The following NKAIN3 variants were observed in gnomAD, a reference collection of about 807,000 sequenced individuals.
The protein encoded by NKAIN3 is sodium/potassium transporting ATPase interacting 3, also known as sodium/potassium-transporting ATPase subunit beta-1-interacting protein 3.
Under a neutral mutation model 30.2 loss-of-function variants are expected in NKAIN3, and 25 were observed. That is an observed-to-expected ratio of 0.83 (90% CI 0.60 to 1.16). The LOEUF (loss-of-function observed/expected upper bound fraction) is 1.16, where lower values mean the gene tolerates loss of function less well. NKAIN3 is among the 50% of genes most tolerant of loss of function. NKAIN3 has a pLI of 0.00. For missense variants in NKAIN3, 225 were observed against 254.1 expected, an observed-to-expected ratio of 0.89 and a Z score of 0.78; for synonymous variants, 91 against 89.6, an observed-to-expected ratio of 1.02 and a Z score of -0.09.
At chr8:62,758,930 G>A (rs1235489586) in intron 4 of NKAIN3, among the ~76,000 whole-genome samples, 1 of 152,134 alleles carries the variant, frequency 6.6e-6, no homozygotes, top group African/African-American at 2.4e-5. Flanking sequence ...ACATTATTCA[G>A]AAGTAAACAA....
chr8:62,781,350 C>T (rs753980076), intron 4 of NKAIN3, among the ~76,000 whole-genome samples: 26 of 151,354 alleles, frequency 1.7e-4, no homozygotes, highest in Non-Finnish European at 3.0e-4. Flanking sequence ...ATCATACCAC[C>T]CAAAGGACTC....
intron 1 of NKAIN3, among the ~76,000 whole-genome samples, chr8:62,559,533 TA>T (rs1809504132): frequency 6.6e-6 from 1 of 152,034 alleles, no homozygotes; most frequent in Admixed American, 6.6e-5. Flanking sequence ...GGACATTTTT[TA>T]GATTGCCATT....
At chr8:62,803,636 G>C (rs1389011126) in intron 4 of NKAIN3, among the ~76,000 whole-genome samples, 1 of 152,036 alleles carries the variant, frequency 6.6e-6, no homozygotes. Flanking sequence ...GAAATTTATA[G>C]CACTAAATGC....
At chr8:62,985,806 C>T (rs147074736), downstream of NKAIN3, among the ~76,000 whole-genome samples, 5 of 151,388 alleles carry the variant, frequency 3.3e-5, no homozygotes, top group East Asian at 5.8e-4. Flanking sequence ...TTCTGTATTG[C>T]TTTTGCAACT....
intron 1 of NKAIN3, among the ~76,000 whole-genome samples, chr8:62,520,240 TTCCTC>T (rs1176095310): frequency 6.6e-6 from 1 of 152,136 alleles, no homozygotes; most frequent in Non-Finnish European, 1.5e-5. Flanking sequence ...CTTCGTTCTT[TTCCTC>T]TTTCAACCTT....
At chr8:62,549,426 C>T (rs914952366) in intron 1 of NKAIN3, among the ~76,000 whole-genome samples, 6 of 151,880 alleles carry the variant, frequency 4.0e-5, no homozygotes, top group Non-Finnish European at 7.4e-5. Context: ...AAAATTTAGC[C>T]TCAATAAGAA....
intron 1 of NKAIN3, among the ~76,000 whole-genome samples, chr8:62,578,825 G>A (rs1475851735): frequency 6.6e-6 from 1 of 151,770 alleles, no homozygotes; most frequent in African/African-American, 2.4e-5. Flanking sequence ...CTTATTTGTG[G>A]GAGCAAAAAT....
chr8:62,914,136 A>G (rs1444851018), intron 4 of NKAIN3, among the ~76,000 whole-genome samples: 2 of 152,218 alleles, frequency 1.3e-5, no homozygotes, highest in Non-Finnish European at 2.9e-5. Context: ...ATTGTGGTAC[A>G]TATACTCCAT....
chr8:62,378,845 C>G (rs528728731), intron 1 of NKAIN3, among the ~76,000 whole-genome samples: 6 of 152,298 alleles, frequency 3.9e-5, no homozygotes, highest in African/African-American at 1.4e-4. Flanking sequence ...AGAGCCCCCA[C>G]ACAAAGTCCC....
intron 1 of NKAIN3, among the ~76,000 whole-genome samples, chr8:62,323,537 A>G (rs1385852479): frequency 6.6e-6 from 1 of 152,146 alleles, no homozygotes; most frequent in Non-Finnish European, 1.5e-5. Flanking sequence ...TCGCAGAAGT[A>G]TTTTCTGTGT....
intron 6 of NKAIN3, among the ~76,000 whole-genome samples, chr8:62,954,997 CT>C (rs1194315309): frequency 2.0e-5 from 3 of 152,148 alleles, no homozygotes; most frequent in African/African-American, 7.2e-5. Flanking sequence ...AAAATAGTCG[CT>C]TGTATAATAA....
intron 3 of NKAIN3, among the ~76,000 whole-genome samples, chr8:62,652,909 A>G (rs894614956): frequency 1.3e-5 from 2 of 152,188 alleles, no homozygotes; most frequent in Non-Finnish European, 2.9e-5. Flanking sequence ...TCCTGAAGCC[A>G]TAGATCTGAA....
intron 1 of NKAIN3, among the ~76,000 whole-genome samples, chr8:62,452,000 A>G (rs1431347682): frequency 6.6e-6 from 1 of 152,192 alleles, no homozygotes; most frequent in Non-Finnish European, 1.5e-5. Context: ...AAATGTTTGA[A>G]CATTACAATG....
intron 1 of NKAIN3, among the ~76,000 whole-genome samples, chr8:62,575,100 A>G (rs1216670762): frequency 6.6e-6 from 1 of 152,148 alleles, no homozygotes; most frequent in Non-Finnish European, 1.5e-5. Context: ...TATTCAGCAT[A>G]GTACCAGAAG....
chr8:62,712,455 G>A (rs1814753369), intron 3 of NKAIN3, among the ~76,000 whole-genome samples: 1 of 152,122 alleles, frequency 6.6e-6, no homozygotes, highest in African/African-American at 2.4e-5. Flanking sequence ...GGTCACTGAA[G>A]TTGTGTACCT....
chr8:62,728,893 G>A (rs1383384986), intron 3 of NKAIN3, among the ~76,000 whole-genome samples: 1 of 151,076 alleles, frequency 6.6e-6, no homozygotes, highest in Non-Finnish European at 1.5e-5. Flanking sequence ...AGGAGGCTGA[G>A]GCAGGAGAAT....
At chr8:62,959,491 A>C (rs1211832300) in intron 6 of NKAIN3, among the ~76,000 whole-genome samples, 1 of 145,024 alleles carries the variant, frequency 6.9e-6, no homozygotes, top group Non-Finnish European at 1.5e-5. Context: ...AGGTGGAGTA[A>C]TGTGCTTTCA....
intron 3 of NKAIN3, among the ~76,000 whole-genome samples, chr8:62,735,941 TG>T (rs753357175): frequency 2.4e-4 from 37 of 152,142 alleles, no homozygotes; most frequent in Admixed American, 5.9e-4. Flanking sequence ...CAGAGCCTCC[TG>T]GGCTCAAGGA....
intron 5 of NKAIN3, among the ~76,000 whole-genome samples, chr8:62,953,174 C>T (rs966940074): frequency 2.0e-5 from 3 of 152,084 alleles, no homozygotes; most frequent in Admixed American, 6.6e-5. Context: ...TTCAGTTTTC[C>T]TACATGCCTG....
Sources: allele counts gnomAD v4.1 joint callset (sites outside exome capture counted in the v4.1 genomes callset), GRCh38; gene constraint gnomAD v4.1.1; transcripts MANE v1.5; gene names NCBI Gene and HGNC (gene_info 2026-07-23, HGNC 2026-07-21).